KIF3C: variants seen among roughly 807,000 people sequenced by gnomAD.
The protein encoded by KIF3C is kinesin family member 3C.
In KIF3C, 12 loss-of-function variants were observed where a neutral mutation model predicts 67.7. The ratio of observed to expected loss-of-function variants is 0.18; its 90% CI spans 0.11 to 0.29. The LOEUF is 0.29. Among genes scored for constraint, KIF3C ranks in the 10% least tolerant of loss-of-function variants. The pLI is 1.00. For missense variants in KIF3C, 789 were observed against 1,059.6 expected, an observed-to-expected ratio of 0.74 and a Z score of 3.55; for synonymous variants, 393 against 426.2, an observed-to-expected ratio of 0.92 and a Z score of 0.96.
rs1289374226 is a variant in KIF3C, at chr2:25,982,472, G to A, written c.-555C>T. On this transcript the variant is annotated 5_prime_UTR_variant, in exon 1 of 8. Transcript: ENST00000264712. ...CTCTGCCTCCGCCTTCCCCGCCGCC[G>A]CCACTGGAGAATGAGAGAGAAAAAC... is the stretch of plus-strand genomic sequence containing the variant. 5 of 398,512 alleles carry A rather than the reference G, an allele frequency of 1.3e-5. No homozygotes were observed. The East Asian group carries it at 1.8e-4, about 14-fold the overall frequency. 24.7% of individuals were successfully genotyped at this position (398,512 alleles called of 1,614,324 possible).
chr2:25,951,745 G>T, intron 5 of KIF3C, 44 bp downstream of exon 5: 2 of 1,364,452 alleles, frequency 1.5e-6, no homozygotes, highest in African/African-American at 1.4e-5. Flanking sequence ...ACCTGGAGTG[G>T]ACCCACAAGT....
At chr2:25,966,783 C>T (rs1046005269) in intron 1 of KIF3C, among the ~76,000 whole-genome samples, 5 of 152,170 alleles carry the variant, frequency 3.3e-5, no homozygotes, top group African/African-American at 4.8e-5. Context: ...TGTGACATTC[C>T]GCAGGAGACA....
At chr2:25,940,650 CTT>C (rs70950139) in intron 5 of KIF3C, among the ~76,000 whole-genome samples, 3 of 74,172 alleles carry the variant, frequency 4.0e-5, no homozygotes, top group African/African-American at 1.1e-4. Flanking sequence ...TCAGAATGTT[CTT>C]TTTTTTTTTT....
At position 25,927,199 on chromosome 2, in the gene KIF3C, G is replaced by C. The variant is rs538198040; in HGVS notation, c.*1779C>G. 2 of 152,830 alleles carry C rather than the reference G, an allele frequency of 1.3e-5. No individual in the cohort carries two copies. The highest frequency in any genetic ancestry group is 1.3e-4 in the Admixed American group (2 of 15,286). The allele number at this position is 152,830 out of a possible 1,614,324, so 9.5% of individuals were successfully genotyped here. On this transcript the variant is annotated 3_prime_UTR_variant, in exon 8 of 8. Coordinates refer to ENST00000264712, the MANE Select transcript of KIF3C (RefSeq NM_002254.8). ...CAATGCAAAGGCGATGTGTCCAAGT[G>C]ATGAATGAGGTGATACGTGCTGCTT...
intron 5 of KIF3C, among the ~76,000 whole-genome samples, chr2:25,930,298 C>G (rs1038647783): frequency 2.0e-5 from 3 of 152,194 alleles, no homozygotes; most frequent in African/African-American, 7.2e-5. Context: ...TAGGCAAGTA[C>G]AGTACAATCA....
intron 1 of KIF3C, among the ~76,000 whole-genome samples, chr2:25,976,914 C>T (rs1013011063): frequency 6.6e-6 from 1 of 152,188 alleles, no homozygotes; most frequent in Non-Finnish European, 1.5e-5. Context: ...TGGGTTTTCA[C>T]TGCGCAGTAC....
chr2:25,944,163 T>C (rs1405866930), intron 5 of KIF3C, among the ~76,000 whole-genome samples: 1 of 152,060 alleles, frequency 6.6e-6, no homozygotes, highest in Non-Finnish European at 1.5e-5. Context: ...TTCCCCTGCC[T>C]CAGCCTCCCA....
At chr2:25,962,983 TATATAATATATATA>T (rs1559555429) in intron 1 of KIF3C, among the ~76,000 whole-genome samples, 7 of 51,594 alleles carry the variant, frequency 1.4e-4, no homozygotes, top group South Asian at 4.6e-4. Context: ...TAATATATAA[TATATAATATATATA>T]ATATATAATA....
rs1663871728 is a variant in KIF3C, at chr2:25,958,737, A to G, written c.1546-2293T>C. Among the ~76,000 whole-genome samples, 1 of 152,082 alleles carries G rather than the reference A, an allele frequency of 6.6e-6. No homozygotes were observed. Among genetic ancestry groups the G allele is most frequent in the African/African-American group, 2.4e-5 (1 of 41,412 alleles). On this transcript the variant is annotated intron_variant, in intron 1 of 7. Coordinates refer to ENST00000264712, the MANE Select transcript of KIF3C (RefSeq NM_002254.8). The surrounding 1 kb of genome is among the most constrained non-coding windows in gnomAD (Gnocchi z 4.5). Reference sequence around the variant, plus strand: ...GGCCTCCCGGTTCCTCTTACTATTCATGCTCTGCGTATGCTCTGTACTCCA... The same window carrying G: ...GGCCTCCCGGTTCCTCTTACTATTCGTGCTCTGCGTATGCTCTGTACTCCA...
At chr2:25,935,185 A>G (rs1472453164) in intron 5 of KIF3C, among the ~76,000 whole-genome samples, 1 of 152,132 alleles carries the variant, frequency 6.6e-6, no homozygotes, top group African/African-American at 2.4e-5. Context: ...CAGAAGTTGC[A>G]GTGAGCTGAG....
At chr2:25,933,458 C>T (rs1264418827) in intron 5 of KIF3C, among the ~76,000 whole-genome samples, 1 of 151,734 alleles carries the variant, frequency 6.6e-6, no homozygotes, top group East Asian at 1.9e-4. Flanking sequence ...ATCCCTTGAG[C>T]CCAGAAATTT....
chr2:25,960,184 G>A (rs113619065), intron 1 of KIF3C, among the ~76,000 whole-genome samples: 2 of 151,960 alleles, frequency 1.3e-5, no homozygotes, highest in Non-Finnish European at 2.9e-5. Flanking sequence ...CAGGAGGATC[G>A]CTTGAGCCCA....
chr2:25,968,111 A>C (rs914363045), intron 1 of KIF3C, among the ~76,000 whole-genome samples: 1 of 152,206 alleles, frequency 6.6e-6, no homozygotes, highest in Non-Finnish European at 1.5e-5. Context: ...AGGAGTCAGC[A>C]GTAAGGGAAG....
At position 25,962,873 on chromosome 2, in the gene KIF3C, T is replaced by A. The variant is rs1201128204; in HGVS notation, c.1546-6429A>T. On this transcript the variant is annotated intron_variant, in intron 1 of 7. Transcript: ENST00000264712. ...ATAATATAATATATAATATATATAA[T>A]ATATAAAATATATATAATATAAAAT... Among the ~76,000 whole-genome samples, 13 of 68,016 alleles carry A rather than the reference T, an allele frequency of 1.9e-4. 1 individual carries two copies. Among genetic ancestry groups the A allele is most frequent in the Non-Finnish European group, 3.3e-4 (13 of 38,878 alleles). 44.6% of individuals were successfully genotyped at this position (68,016 alleles called of 152,430 possible). A position where few individuals can be genotyped will look rare whatever the true frequency, so the allele number is the denominator to read the frequency against.
At chr2:25,975,657 C>T (rs1329558030) in intron 1 of KIF3C, among the ~76,000 whole-genome samples, 2 of 152,068 alleles carry the variant, frequency 1.3e-5, no homozygotes, top group Non-Finnish European at 1.5e-5. Context: ...GTTTTCTCAT[C>T]TATAAAACAA....
At chr2:25,942,599 G>A (rs1663321178) in intron 5 of KIF3C, among the ~76,000 whole-genome samples, 1 of 151,818 alleles carries the variant, frequency 6.6e-6, no homozygotes, top group African/African-American at 2.4e-5. Flanking sequence ...TAGTAGAGAC[G>A]GGGTTTCTCC....
chr2:25,946,450 G>A (rs989522414), intron 5 of KIF3C, among the ~76,000 whole-genome samples: 2 of 152,174 alleles, frequency 1.3e-5, no homozygotes, highest in African/African-American at 4.8e-5. Flanking sequence ...CAGCATTTTG[G>A]TGGGCGAGGT....
intron 1 of KIF3C, among the ~76,000 whole-genome samples, chr2:25,969,466 C>T (rs538699625): frequency 2.0e-5 from 3 of 152,030 alleles, no homozygotes; most frequent in Admixed American, 1.3e-4. Context: ...ACCACCTGTT[C>T]CCCCAAAACT....
At chr2:25,949,671 C>T (rs995905424) in intron 5 of KIF3C, among the ~76,000 whole-genome samples, 3 of 152,034 alleles carry the variant, frequency 2.0e-5, no homozygotes, top group Middle Eastern at 3.2e-3. Flanking sequence ...AAACTTTAAA[C>T]TCAAGAACTT....
Sources: allele counts gnomAD v4.1 joint callset (sites outside exome capture counted in the v4.1 genomes callset), GRCh38; gene constraint gnomAD v4.1.1; non-coding constraint Gnocchi (gnomAD v3.1); transcripts MANE v1.5; gene names NCBI Gene and HGNC (gene_info 2026-07-23, HGNC 2026-07-21).